Variants in CMIP observed in about 807,000 individuals in gnomAD.
CMIP encodes C-Maf-inducing protein.
In CMIP, 13 loss-of-function variants were observed where a neutral mutation model predicts 97.3. That is an observed-to-expected ratio of 0.13 (90% CI 0.09 to 0.21). CMIP has a LOEUF of 0.21. Among genes scored for constraint, CMIP ranks in the 10% least tolerant of loss-of-function variants. CMIP has a pLI of 1.00. For missense variants in CMIP, 847 were observed against 1,024.9 expected (o/e 0.83, Z 2.37); for synonymous variants, 538 against 436.3 (o/e 1.23, Z -2.91).
intron 1 of CMIP, among the ~76,000 whole-genome samples, chr16:81,494,996 G>A (rs968951009): frequency 2.6e-5 from 4 of 152,222 alleles, no homozygotes; most frequent in Non-Finnish European, 4.4e-5. Flanking sequence ...AGCTAGTGTC[G>A]GAGATGGCAC....
At chr16:81,678,652 G>A (rs770203255) in intron 10 of CMIP, 24 bp downstream of exon 10, 57 of 1,157,040 alleles carry the variant, frequency 4.9e-5, no homozygotes, top group Admixed American at 7.6e-5. Flanking sequence ...CCGCGTGCCC[G>A]CCCCCGGGGC....
At chr16:81,637,227 T>A (rs556053024) in intron 3 of CMIP, among the ~76,000 whole-genome samples, 84 of 152,214 alleles carry the variant, frequency 5.5e-4, no homozygotes, top group South Asian at 2.1e-3. Flanking sequence ...CGTGCCACCA[T>A]GCCCAGCTAA....
At chr16:81,602,082 A>G (rs2091667383) in intron 1 of CMIP, among the ~76,000 whole-genome samples, 2 of 152,210 alleles carry the variant, frequency 1.3e-5, no homozygotes, top group South Asian at 4.1e-4. Flanking sequence ...AAGGATGTTC[A>G]CTGCGGAGTT....
At chr16:81,645,353 TGGGTGTGTA>T in intron 3 of CMIP, 4 of 1,414,662 alleles carry the variant, frequency 2.8e-6, no homozygotes, top group Non-Finnish European at 3.7e-6. Flanking sequence ...CATGCGTGCT[TGGGTGTGTA>T]CGCGCGCGAG....
rs2091921730 is a variant in CMIP at position 81,616,584 on chromosome 16, T to TAAACCTGCCTTCTTGAACCG, written c.427-4277_427-4258dup. Among the ~76,000 whole-genome samples the TAAACCTGCCTTCTTGAACCG allele has an allele frequency of 6.6e-6, 1 of 152,242 alleles. No homozygotes were observed. The highest frequency in any genetic ancestry group is 2.4e-5 in the African/African-American group (1 of 41,464). ...ACCTGTTTAGCTGGGATCTGCAAAC[T>TAAACCTGCCTTCTTGAACCG]AAACCTGCCTTCTTGAACCGAAACC... On this transcript the variant is annotated intron_variant, in intron 2 of 20. Transcript: ENST00000537098. This position sits in a 1 kb window ranked among gnomAD's most constrained non-coding sequence, Gnocchi z 4.7.
At position 81,627,713 on chromosome 16, in the gene CMIP, G is replaced by T. The variant is rs945264983; in HGVS notation, c.477+6787G>T. On this transcript the variant is annotated intron_variant, in intron 3 of 20. Coordinates refer to ENST00000537098, the MANE Select transcript of CMIP (RefSeq NM_198390.3). The surrounding 1 kb of genome is among the most constrained non-coding windows in gnomAD (Gnocchi z 4.6). Reference sequence around the variant, plus strand: ...CATCTCATAGCAGAGGGGACTGAGCGTCCAAGTGGATAAAGGATGAGGATA... The same window carrying T: ...CATCTCATAGCAGAGGGGACTGAGCTTCCAAGTGGATAAAGGATGAGGATA... Among the ~76,000 whole-genome samples, 2 of 152,292 alleles carry T rather than the reference G, an allele frequency of 1.3e-5. No homozygotes were observed. The highest frequency in any genetic ancestry group is 1.5e-5 in the Non-Finnish European group (1 of 68,012).
At chr16:81,603,447 G>T (rs1567604994) in intron 1 of CMIP, 1 of 454,410 alleles carries the variant, frequency 2.2e-6, no homozygotes, top group Admixed American at 2.3e-5. Flanking sequence ...AAGCGACGAG[G>T]ATACCCCAGA....
At chr16:81,543,197 G>T (rs1488552617) in intron 1 of CMIP, among the ~76,000 whole-genome samples, 1 of 152,216 alleles carries the variant, frequency 6.6e-6, no homozygotes, top group African/African-American at 2.4e-5. Flanking sequence ...GGTGGGCTGG[G>T]TCTGACTTTG....
At chr16:81,685,003 C>T (rs1468948108) in intron 10 of CMIP, among the ~76,000 whole-genome samples, 2 of 152,228 alleles carry the variant, frequency 1.3e-5, no homozygotes, top group Non-Finnish European at 2.9e-5. Flanking sequence ...CCACTGGGTC[C>T]TGTGCCGAGG....
chr16:81,641,896 C>G (rs2092310849), intron 3 of CMIP, among the ~76,000 whole-genome samples: 1 of 152,220 alleles, frequency 6.6e-6, no homozygotes, highest in African/African-American at 2.4e-5. Flanking sequence ...TGGTCAGGTG[C>G]TCAGGATCCA....
intron 13 of CMIP, 140 bp downstream of exon 13, chr16:81,693,627 C>A: frequency 1.1e-6 from 1 of 878,656 alleles, no homozygotes; most frequent in Non-Finnish European, 1.7e-6. Flanking sequence ...TGTATAAACA[C>A]ATCCCCGCCT....
At chr16:81,633,632 C>T (rs2092195415) in intron 3 of CMIP, among the ~76,000 whole-genome samples, 1 of 152,256 alleles carries the variant, frequency 6.6e-6, no homozygotes, top group Non-Finnish European at 1.5e-5. Context: ...TCAGAACCAA[C>T]AGACTGTTTT....
At chr16:81,609,324 C>T (rs542503965) in intron 2 of CMIP, among the ~76,000 whole-genome samples, 160 of 152,318 alleles carry the variant, frequency 1.1e-3, no homozygotes, top group African/African-American at 3.3e-3. Context: ...CTTGCCCATC[C>T]GATGGCTGCA....
At chr16:81,672,114 A>G in intron 9 of CMIP, 44 bp downstream of exon 9, 1 of 1,190,130 alleles carries the variant, frequency 8.4e-7, no homozygotes, top group African/African-American at 1.5e-5. Flanking sequence ...TGGGAGGGGC[A>G]AACTGCCACC....
intron 1 of CMIP, among the ~76,000 whole-genome samples, chr16:81,515,821 C>T (rs1044590461): frequency 3.4e-4 from 52 of 152,224 alleles, no homozygotes; most frequent in African/African-American, 1.3e-3. Context: ...GGATTCAACC[C>T]GTGGGAGGAG....
chr16:81,615,490 G>A lies in CMIP; in HGVS notation c.427-5386G>A, dbSNP rs547855462. Among the ~76,000 whole-genome samples, 5 of 141,700 alleles carry A rather than the reference G, an allele frequency of 3.5e-5. No homozygotes were observed. The East Asian group carries it at 8.4e-4, about 24-fold the overall frequency. 93.0% of individuals were successfully genotyped at this position (141,700 alleles called of 152,430 possible). A position where few individuals can be genotyped will look rare whatever the true frequency, so the allele number is the denominator to read the frequency against. ...ATGTGTATTTGTGTGTGTGGTGTGT[G>A]TGTGTGGTGTGTGTGTCTGTGTGCA... On this transcript the variant is annotated intron_variant, in intron 2 of 20. Coordinates refer to ENST00000537098, the MANE Select transcript of CMIP (RefSeq NM_198390.3).
chr16:81,477,224 C>T (rs977193300), intron 1 of CMIP, among the ~76,000 whole-genome samples: 6 of 151,680 alleles, frequency 4.0e-5, no homozygotes, highest in African/African-American at 4.9e-5. Context: ...GGTGTGGTCT[C>T]GGCTCACTGC....
At chr16:81,452,851 TTG>T (rs1906305156) in intron 1 of CMIP, among the ~76,000 whole-genome samples, 3 of 151,478 alleles carry the variant, frequency 2.0e-5, no homozygotes, top group Admixed American at 1.3e-4. Context: ...TTTGCTTCTG[TTG>T]TGTGTTTTTT....
At chr16:81,463,718 A>G (rs1313374625) in intron 1 of CMIP, among the ~76,000 whole-genome samples, 1 of 152,246 alleles carries the variant, frequency 6.6e-6, no homozygotes, top group African/African-American at 2.4e-5. Flanking sequence ...GAGAGGGGAC[A>G]GGTACCCCAG....
Sources: allele counts gnomAD v4.1 joint callset (sites outside exome capture counted in the v4.1 genomes callset), GRCh38; gene constraint gnomAD v4.1.1; non-coding constraint Gnocchi (gnomAD v3.1); transcripts MANE v1.5; gene names NCBI Gene and HGNC (gene_info 2026-07-23, HGNC 2026-07-21).